C12orf43: variants seen among roughly 807,000 people sequenced by gnomAD.
C12orf43 encodes the protein protein CUSTOS.
C12orf43 carries 15 observed loss-of-function variants against 20.6 expected under a neutral mutation model. That is an observed-to-expected ratio of 0.73 (90% CI 0.49 to 1.12). The LOEUF is 1.12. Among genes scored for constraint, C12orf43 ranks in the 50% most tolerant of loss-of-function variants. The probability of loss-of-function intolerance (pLI) is 0.00; values close to 1 mark genes in which losing one functional copy is unlikely to be tolerated. For missense variants in C12orf43, 334 were observed against 344.4 expected (o/e 0.97, Z 0.24); for synonymous variants, 144 against 130.8 (o/e 1.10, Z -0.69).
chr12:121,012,421 T>A, intron 1 of C12orf43: 2 of 702,572 alleles, frequency 2.8e-6, no homozygotes. Context: ...AGAAGGGACA[T>A]AAACTGACCT....
Position 121,014,688 on chromosome 12 carries a change from A to C in C12orf43, c.145+1642T>G, listed in dbSNP as rs184139309. Among the ~76,000 whole-genome samples, 689 of 151,566 alleles carry C rather than the reference A, an allele frequency of 4.5e-3. 5 individuals carry two copies. Among genetic ancestry groups the C allele is most frequent in the Middle Eastern group, 0.017 (5 of 294 alleles). On this transcript the variant is annotated intron_variant, in intron 1 of 5. Transcript: ENST00000288757. The stretch of plus-strand genomic sequence containing the variant: ...CCCAAAAAACAAACAAACAAACAAA[A>C]AAAACTAGAAGCCGAGCACAGTGGC...
intron 3 of C12orf43, among the ~76,000 whole-genome samples, chr12:121,009,626 G>A (rs1467461700): frequency 6.6e-6 from 1 of 152,184 alleles, no homozygotes; most frequent in East Asian, 1.9e-4. Context: ...GTAGGAAGGC[G>A]CCATCTGTAC....
Position 121,000,783 on chromosome 12 carries a change from A to G in C12orf43, c.*3370T>C. On this transcript the variant is annotated 3_prime_UTR_variant, in exon 6 of 6. Transcript: ENST00000288757. The stretch of plus-strand genomic sequence containing the variant: ...CCTAGATTAGTGTTTGACTCAGCCT[A>G]GCCAAGCCAACACGTACAACTACCT... 2.1e-6 allele frequency: 1 copy of G among 479,646 alleles called. No individual in the cohort carries two copies. Among genetic ancestry groups the G allele is most frequent in the South Asian group, 2.0e-5 (1 of 49,176 alleles). 29.7% of individuals were successfully genotyped at this position (479,646 alleles called of 1,614,324 possible).
chr12:121,008,570 A>C (rs1387518631), intron 3 of C12orf43, among the ~76,000 whole-genome samples: 1 of 152,242 alleles, frequency 6.6e-6, no homozygotes, highest in Non-Finnish European at 1.5e-5. Context: ...GTTCAGCCTG[A>C]AGCCAGAGAG....
chr12:121,002,311 AAGG>A lies in C12orf43; in HGVS notation c.*1839_*1841del, dbSNP rs1877552197. 1.1e-5 allele frequency: 5 copies of A among 446,942 alleles called. No individual in the cohort carries two copies. Among genetic ancestry groups the A allele is most frequent in the Middle Eastern group, 1.1e-3 (2 of 1,772 alleles). 27.7% of individuals were successfully genotyped at this position (446,942 alleles called of 1,614,324 possible). ...GTCCTGAGCACTGCCAGGAGGGACA[AAGG>A]AGCCTGTGAACCCAGGACAAGCATG... is the stretch of plus-strand genomic sequence containing the variant. On this transcript the variant is annotated 3_prime_UTR_variant, in exon 6 of 6. Transcript: ENST00000288757.
At chr12:121,011,035 A>G (rs1878414757) in intron 2 of C12orf43, 69 bp downstream of exon 2, 1 of 1,582,444 alleles carries the variant, frequency 6.3e-7, no homozygotes, top group Admixed American at 1.7e-5. Context: ...CGTGAAGCCT[A>G]GCATCTGGCA....
chr12:121,009,772 A>G (rs766809319), intron 3 of C12orf43, among the ~76,000 whole-genome samples: 1 of 152,194 alleles, frequency 6.6e-6, no homozygotes, highest in Non-Finnish European at 1.5e-5. Context: ...AGCAGCCCAT[A>G]TGGACTCAAA....
chr12:121,007,405 T>A (rs1436478341), intron 3 of C12orf43, among the ~76,000 whole-genome samples: 1 of 152,220 alleles, frequency 6.6e-6, no homozygotes, highest in Non-Finnish European at 1.5e-5. Context: ...GCTATGTCCC[T>A]TAAGCAAATG....
intron 3 of C12orf43, 161 bp from the exon 4 acceptor site, chr12:121,006,555 A>G (rs955098975): frequency 4.6e-6 from 3 of 646,528 alleles, no homozygotes; most frequent in Admixed American, 5.2e-5. Flanking sequence ...TAACATGCTG[A>G]CCAGCCTCTG....
intron 3 of C12orf43, chr12:121,006,638 CAT>C (rs34521980): frequency 0.37 from 172,567 of 468,690 alleles, 34,366 homozygotes; most frequent in Middle Eastern, 0.53. Context: ...GTTTTAAAGA[CAT>C]AGTAAAACAA....
At chr12:121,015,957 C>T (rs1308892767) in intron 1 of C12orf43, among the ~76,000 whole-genome samples, 1 of 152,184 alleles carries the variant, frequency 6.6e-6, no homozygotes, top group Non-Finnish European at 1.5e-5. Context: ...GTGCTGGGCA[C>T]TGCTCTTGGC....
In C12orf43 at chr12:121,005,210, G is replaced by A. The variant is rs1877904103; in HGVS notation, c.362-117C>T. 8.1e-6 allele frequency: 4 copies of A among 491,204 alleles called. No homozygotes were observed. Among genetic ancestry groups the A allele is most frequent in the African/African-American group, 2.1e-5 (1 of 47,302 alleles). 30.4% of individuals were successfully genotyped at this position (491,204 alleles called of 1,614,324 possible). Reference sequence around the variant, plus strand: ...ATTTTAAAAAGGAAAACGAAAGAAAGAAAAGATAAAGAGAAACAAAAAAAA... The same window carrying A: ...ATTTTAAAAAGGAAAACGAAAGAAAAAAAAGATAAAGAGAAACAAAAAAAA... On this transcript the variant is annotated intron_variant, in intron 4 of 5. Coordinates refer to ENST00000288757, the MANE Select transcript of C12orf43 (RefSeq NM_022895.3). The surrounding 1 kb of genome is among the most constrained non-coding windows in gnomAD (Gnocchi z 5.6).
At chr12:121,010,254 G>C (rs1878344361) in intron 3 of C12orf43, among the ~76,000 whole-genome samples, 3 of 152,256 alleles carry the variant, frequency 2.0e-5, no homozygotes, top group Admixed American at 6.5e-5. Flanking sequence ...AGTGAGCCAA[G>C]ATTGTGCGTG....
chr12:121,005,227 CAA>C lies in C12orf43; in HGVS notation c.362-136_362-135del. 4.6e-6 allele frequency: 2 copies of C among 439,344 alleles called. No individual in the cohort carries two copies. Among genetic ancestry groups the C allele is most frequent in the Admixed American group, 9.4e-5 (2 of 21,258 alleles). The allele number at this position is 439,344 out of a possible 1,614,324, so 27.2% of individuals were successfully genotyped here. On this transcript the variant is annotated intron_variant, in intron 4 of 5. Transcript: ENST00000288757. The surrounding 1 kb of genome is among the most constrained non-coding windows in gnomAD (Gnocchi z 5.6). ...GAAAGAAAGAAAAGATAAAGAGAAA[CAA>C]AAAAAAAATTTTAAGAAGACACAAA...
At position 121,006,718 on chromosome 12, in the gene C12orf43, A is replaced by C. The variant is rs1409166988; in HGVS notation, c.288-324T>G. ...TTTGGGAGGCCAAGGCAGGCAGATC[A>C]TGAGGCCAGGAGATCGAGACCATTC... On this transcript the variant is annotated intron_variant, in intron 3 of 5. Coordinates refer to ENST00000288757, the MANE Select transcript of C12orf43 (RefSeq NM_022895.3). 4 of 274,038 alleles carry C rather than the reference A, an allele frequency of 1.5e-5. No homozygotes were observed. In the Admixed American group the frequency reaches 1.9e-4, roughly 13 times the overall value. 17.0% of individuals were successfully genotyped at this position (274,038 alleles called of 1,614,324 possible). A position where few individuals can be genotyped will look rare whatever the true frequency, so the allele number is the denominator to read the frequency against.
At chr12:121,012,849 T>TAAAAAAAAACAAAAAAAAAAAAAA (rs1868513333) in intron 1 of C12orf43, among the ~76,000 whole-genome samples, 1 of 92,002 alleles carries the variant, frequency 1.1e-5, no homozygotes, top group African/African-American at 5.2e-5. Flanking sequence ...AGACTCCGTC[T>TAAAAAAAAACAAAAAAAAAAAAAA]AAAAAAAAAA....
chr12:121,006,430 T>C (rs1878030930), intron 3 of C12orf43, 36 bp from the exon 4 acceptor site: 1 of 1,600,318 alleles, frequency 6.2e-7, no homozygotes. Flanking sequence ...TAAGATGAGA[T>C]TTTTGGATAA....
In C12orf43 at chr12:121,004,495, G is replaced by C. The variant is rs765724986; in HGVS notation, c.453-6C>G. 8 of 1,586,474 alleles carry C rather than the reference G, an allele frequency of 5.0e-6. No individual in the cohort carries two copies. The Admixed American group carries it at 6.9e-5, about 14-fold the overall frequency. ...ACTCCTCGTCACTGTCCTCACTGCT[G>C]CAACGAGAGGGTACCCTGGGTTAGC... On this transcript the variant is annotated splice_polypyrimidine_tract_variant and splice_region_variant and intron_variant, in intron 5 of 5. Coordinates refer to ENST00000288757, the MANE Select transcript of C12orf43 (RefSeq NM_022895.3). The surrounding 1 kb of genome is among the most constrained non-coding windows in gnomAD (Gnocchi z 5.6).
rs1877606996 is a variant in C12orf43, at chr12:121,002,786, T to TG, written c.*1366dup. ...GGCATTATACAGCTCACTGCAGCCT[T>TG]GAACTCCTGGACTAAAGGGATCCTC... is the stretch of plus-strand genomic sequence containing the variant. On this transcript the variant is annotated 3_prime_UTR_variant, in exon 6 of 6. Coordinates refer to ENST00000288757, the MANE Select transcript of C12orf43 (RefSeq NM_022895.3). The TG allele has an allele frequency of 4.9e-6, 1 of 202,604 alleles. No individual in the cohort carries two copies. The allele number at this position is 202,604 out of a possible 1,614,324, so 12.6% of individuals were successfully genotyped here. A position where few individuals can be genotyped will look rare whatever the true frequency, so the allele number is the denominator to read the frequency against.
Sources: gnomAD v4.1 joint callset for allele counts (sites outside exome capture counted in the v4.1 genomes callset) on GRCh38, gnomAD v4.1.1 for gene constraint, Gnocchi (gnomAD v3.1) non-coding constraint, MANE v1.5 for transcripts, NCBI Gene and HGNC (gene_info 2026-07-23, HGNC 2026-07-21) for gene names.